The following BTAF1 variants were observed in gnomAD, a reference collection of about 807,000 sequenced individuals.
The protein encoded by BTAF1 is TATA-binding protein-associated factor 172.
A neutral mutation model predicts 227.1 loss-of-function variants in BTAF1; 38 were observed. The ratio of observed to expected loss-of-function variants is 0.17; its 90% confidence interval spans 0.13 to 0.22. BTAF1 has a LOEUF of 0.22. Among genes scored for constraint, BTAF1 ranks in the 10% least tolerant of loss-of-function variants. BTAF1 has a pLI of 1.00. For synonymous variants in BTAF1, 742 were observed against 751.9 expected (o/e 0.99, Z 0.21); for missense variants, 1,598 against 2,204.0 (o/e 0.73, Z 5.51).
chr10:91,980,382 C>CA (rs1847978908), intron 14 of BTAF1, 72 bp from the exon 15 acceptor site: 2 of 1,095,354 alleles, frequency 1.8e-6, no homozygotes, highest in Non-Finnish European at 2.8e-6. Flanking sequence ...TGTTATTTGA[C>CA]ATATAATTCT....
At chr10:91,960,812 A>G (rs1260804549) in intron 11 of BTAF1, among the ~76,000 whole-genome samples, 2 of 152,216 alleles carry the variant, frequency 1.3e-5, no homozygotes, top group Non-Finnish European at 2.9e-5. Flanking sequence ...AAATACCTGC[A>G]TATGCAGATA....
Position 91,962,409 on chromosome 10 carries a change from C to T in BTAF1, c.1264-129C>T, listed in dbSNP as rs1846591191. 6 of 581,510 alleles carry T rather than the reference C, an allele frequency of 1.0e-5. No homozygotes were observed. The Admixed American group carries it at 2.1e-4, about 20-fold the overall frequency. 36.0% of individuals were successfully genotyped at this position (581,510 alleles called of 1,614,324 possible). Reference sequence around the variant, plus strand: ...CCTGATGTATTTCTCAGAATGTATCCATTGTTAAGCAGTGCATGACTATAA... The same window carrying T: ...CCTGATGTATTTCTCAGAATGTATCTATTGTTAAGCAGTGCATGACTATAA... On this transcript the variant is annotated intron_variant, in intron 11 of 37. Transcript: ENST00000265990.
chr10:92,014,079 T>A, intron 32 of BTAF1, 50 bp downstream of exon 32: 1 of 1,557,986 alleles, frequency 6.4e-7, no homozygotes, highest in Non-Finnish European at 8.7e-7. Flanking sequence ...ATTAGCAGAT[T>A]GTTTTGTATG....
chr10:91,996,867 TAGTA>T (rs1415124054), intron 24 of BTAF1, among the ~76,000 whole-genome samples: 1 of 152,218 alleles, frequency 6.6e-6, no homozygotes, highest in Non-Finnish European at 1.5e-5. Flanking sequence ...ACTATATGTC[TAGTA>T]AGTGATTTAT....
At chr10:91,971,106 T>G (rs1354492513) in intron 14 of BTAF1, among the ~76,000 whole-genome samples, 1 of 152,240 alleles carries the variant, frequency 6.6e-6, no homozygotes, top group African/African-American at 2.4e-5. Context: ...TGTTGGAGTC[T>G]TAATGTTTAT....
chr10:92,022,139 A>G (rs1034132051), intron 34 of BTAF1, among the ~76,000 whole-genome samples: 4 of 152,186 alleles, frequency 2.6e-5, no homozygotes, highest in African/African-American at 9.7e-5. Flanking sequence ...ATACCAGAGT[A>G]TCAATTCTGC....
intron 28 of BTAF1, among the ~76,000 whole-genome samples, chr10:92,010,835 A>C (rs1318635661): frequency 6.6e-6 from 1 of 152,250 alleles, no homozygotes; most frequent in Non-Finnish European, 1.5e-5. Flanking sequence ...AGATGTTGGC[A>C]AATAAAGTTG....
At position 91,992,326 on chromosome 10, in the gene BTAF1, T is replaced by C; in HGVS notation, c.3045+17T>C. 1 of 1,550,082 alleles carries C rather than the reference T, an allele frequency of 6.5e-7. No homozygotes were observed. Among genetic ancestry groups the C allele is most frequent in the Non-Finnish European group, 8.7e-7 (1 of 1,149,876 alleles). On this transcript the variant is annotated intron_variant, in intron 21 of 37. Transcript: ENST00000265990. ...CTTGATGAGGTAAGTAGTTTTTTTT[T>C]TTTTTTAATGCTTTGATTTTTAAAC...
At chr10:91,951,960 T>C (rs900483280) in intron 5 of BTAF1, among the ~76,000 whole-genome samples, 2 of 152,126 alleles carry the variant, frequency 1.3e-5, no homozygotes, top group African/African-American at 2.4e-5. Context: ...TTTATTCTTT[T>C]TTTTTTAAGT....
Position 92,028,946 on chromosome 10 carries a change from G to A in BTAF1, c.*13G>A. 1 of 1,559,228 alleles carries A rather than the reference G, an allele frequency of 6.4e-7. No individual in the cohort carries two copies. Among genetic ancestry groups the A allele is most frequent in the South Asian group, 1.2e-5 (1 of 81,184 alleles). On this transcript the variant is annotated 3_prime_UTR_variant, in exon 38 of 38. Transcript: ENST00000265990. ...TTCTCTCAAGTAACTATCAAATATT[G>A]TAAATGCAATTGCTGCTAGTTCAGT...
chr10:91,973,969 CTT>C (rs1263345096), intron 14 of BTAF1, among the ~76,000 whole-genome samples: 1 of 150,342 alleles, frequency 6.7e-6, no homozygotes, highest in Non-Finnish European at 1.5e-5. Flanking sequence ...AGTTTCAGAT[CTT>C]ATTCTGGCTT....
At chr10:91,991,974 T>G (rs1848823664) in intron 20 of BTAF1, 145 bp from the exon 21 acceptor site, 1 of 598,010 alleles carries the variant, frequency 1.7e-6, no homozygotes, top group East Asian at 2.9e-5. Flanking sequence ...TATTGCCATT[T>G]CATTGTCTAA....
chr10:92,002,459 T>C (rs1312022700), intron 25 of BTAF1, among the ~76,000 whole-genome samples: 1 of 152,154 alleles, frequency 6.6e-6, no homozygotes, highest in East Asian at 1.9e-4. Context: ...TCGTAACACT[T>C]GGGTTTAGGG....
Position 92,029,742 on chromosome 10 carries a change from C to CTGTT in BTAF1, c.*811_*814dup, listed in dbSNP as rs1491251050. 2 of 152,104 alleles carry CTGTT rather than the reference C, an allele frequency of 1.3e-5. No individual in the cohort carries two copies. The highest frequency in any genetic ancestry group is 1.9e-4 in the East Asian group (1 of 5,180). 9.4% of individuals were successfully genotyped at this position (152,104 alleles called of 1,614,324 possible). A position where few individuals can be genotyped will look rare whatever the true frequency, so the allele number is the denominator to read the frequency against. On this transcript the variant is annotated 3_prime_UTR_variant, in exon 38 of 38. Coordinates refer to ENST00000265990, the MANE Select transcript of BTAF1 (RefSeq NM_003972.3). ...CAGTTTTCCAGAAATAGATTTTACA[C>CTGTT]TGTTTAGAATTCCAACACCTACAGT...
chr10:92,006,228 A>T (rs1415710832), intron 25 of BTAF1, among the ~76,000 whole-genome samples: 1 of 152,202 alleles, frequency 6.6e-6, no homozygotes, highest in Non-Finnish European at 1.5e-5. Context: ...ATATAAAGGA[A>T]GTCCAGCCTC....
chr10:92,006,521 G>A (rs1305923481), intron 25 of BTAF1, among the ~76,000 whole-genome samples: 1 of 152,076 alleles, frequency 6.6e-6, no homozygotes, highest in African/African-American at 2.4e-5. Context: ...GTAACATCAT[G>A]CGTCAGTCAT....
Position 91,966,718 on chromosome 10 carries a change from A to G in BTAF1, c.1611A>G (p.Ala537=), listed in dbSNP as rs987875036. Residue 537 remains alanine, a synonymous_variant, in exon 14 of 38, where the codon GCA becomes GCG. Transcript: ENST00000265990. ...CTATATCATCAGTTCGAAGAGCAGC[A>G]TTGGAAACTCTGTTTACGTTATTAT... ...HHTISSVRRA[A]LETLFTLLST... is the part of the protein sequence containing the mutation. 3.1e-6 allele frequency: 5 copies of G among 1,614,056 alleles called. No individual in the cohort carries two copies. Among genetic ancestry groups the G allele is most frequent in the Middle Eastern group, 1.7e-4 (1 of 6,060 alleles).
rs1393829598 is a variant in BTAF1 at position 91,970,771 on chromosome 10, TCTACAAAGAGTTAAATAA to T, written c.1650+4016_1650+4033del. ...ATATTACATGGTAAGTTTAATAACC[TCTACAAAGAGTTAAATAA>T]CAGAAGACCAGTATGTGAGAGATGT... On this transcript the variant is annotated intron_variant, in intron 14 of 37. Transcript: ENST00000265990. Among the ~76,000 whole-genome samples the T allele has an allele frequency of 9.8e-5, 15 of 152,328 alleles. No individual in the cohort carries two copies. The South Asian group carries it at 1.7e-3, about 17-fold the overall frequency.
intron 25 of BTAF1, among the ~76,000 whole-genome samples, chr10:91,998,493 A>G (rs1849288834): frequency 6.6e-6 from 1 of 152,182 alleles, no homozygotes; most frequent in African/African-American, 2.4e-5. Flanking sequence ...AAAGAAGACT[A>G]GAAGGATCAT....
Sources: allele counts gnomAD v4.1 joint callset (sites outside exome capture counted in the v4.1 genomes callset), GRCh38; gene constraint gnomAD v4.1.1; transcripts MANE v1.5; gene names NCBI Gene and HGNC (gene_info 2026-07-23, HGNC 2026-07-21).